The following GCSAML variants were observed in gnomAD, a reference collection of about 807,000 sequenced individuals.
GCSAML encodes the protein germinal center associated signaling and motility like.
In GCSAML, 9 loss-of-function variants were observed where a neutral mutation model predicts 13.0. That is an observed-to-expected ratio of 0.69 (90% CI 0.42 to 1.21). The LOEUF (loss-of-function observed/expected upper bound fraction) is 1.21. Among genes scored for constraint, GCSAML ranks in the 50% most tolerant of loss-of-function variants. GCSAML has a pLI of 0.00. For synonymous variants in GCSAML, 37 were observed against 52.9 expected (o/e 0.70, Z 1.31); for missense variants, 143 against 153.4 (o/e 0.93, Z 0.36).
intron 1 of GCSAML, among the ~76,000 whole-genome samples, chr1:247,514,154 T>A (rs988825438): frequency 6.6e-6 from 1 of 152,158 alleles, no homozygotes; most frequent in African/African-American, 2.4e-5. Context: ...CTAATTTTTG[T>A]GTTTTTCGTA....
chr1:247,543,761 T>C (rs78955005), intron 2 of GCSAML, among the ~76,000 whole-genome samples: 2,539 of 152,258 alleles, frequency 0.017, 69 homozygotes, highest in African/African-American at 0.054. Flanking sequence ...TAGTAACTTA[T>C]CAATTTCTGC....
intron 2 of GCSAML, chr1:247,532,560 C>T (rs1364764488): frequency 6.4e-7 from 1 of 1,562,152 alleles, no homozygotes; most frequent in Non-Finnish European, 8.7e-7. Flanking sequence ...GAGCACAGGG[C>T]ATACAGGGCA....
At chr1:247,552,621 A>G (rs1003240530) in intron 1 of GCSAML, among the ~76,000 whole-genome samples, 2 of 152,208 alleles carry the variant, frequency 1.3e-5, no homozygotes, top group African/African-American at 4.8e-5. Context: ...TGAAGACTTT[A>G]TCCTCCCATA....
At chr1:247,523,038 C>T (rs1271968959) in intron 1 of GCSAML, among the ~76,000 whole-genome samples, 2 of 151,778 alleles carry the variant, frequency 1.3e-5, no homozygotes, top group East Asian at 3.9e-4. Flanking sequence ...TATATGAAAT[C>T]CTCTATTGTA....
At chr1:247,507,522 T>C (rs2103290674) in intron 1 of GCSAML, among the ~76,000 whole-genome samples, 1 of 152,282 alleles carries the variant, frequency 6.6e-6, no homozygotes, top group African/African-American at 2.4e-5. Flanking sequence ...TTATGTAAAA[T>C]TTTATTTGCT....
chr1:247,525,484 A>G (rs987392032), intron 1 of GCSAML: 1 of 152,262 alleles, frequency 6.6e-6, no homozygotes, highest in African/African-American at 2.4e-5. Context: ...AGCCCACAGA[A>G]CTCATGGAGG....
At chr1:247,573,368 A>G (rs1187302125) in intron 4 of GCSAML, among the ~76,000 whole-genome samples, 1 of 152,186 alleles carries the variant, frequency 6.6e-6, no homozygotes, top group Non-Finnish European at 1.5e-5. Flanking sequence ...GACCGTGGGA[A>G]AAGTGTAGTG....
chr1:247,514,725 T>C (rs1164007705), intron 1 of GCSAML, among the ~76,000 whole-genome samples: 1 of 148,114 alleles, frequency 6.8e-6, no homozygotes, highest in Admixed American at 7.1e-5. Context: ...GAACAGGGTG[T>C]CCTTTCCCAC....
chr1:247,530,315 C>G (rs1318289812), intron 2 of GCSAML: 1 of 152,086 alleles, frequency 6.6e-6, no homozygotes, highest in Non-Finnish European at 1.5e-5. Flanking sequence ...GATAGAAGTT[C>G]TTTAACATCT....
intron 1 of GCSAML, among the ~76,000 whole-genome samples, chr1:247,556,085 T>C (rs1667935697): frequency 6.6e-6 from 1 of 152,134 alleles, no homozygotes; most frequent in African/African-American, 2.4e-5. Flanking sequence ...TGCTTCCCTG[T>C]TGTTAAGGTC....
intron 2 of GCSAML, among the ~76,000 whole-genome samples, chr1:247,556,843 C>A (rs546797743): frequency 6.6e-6 from 1 of 152,176 alleles, no homozygotes; most frequent in Non-Finnish European, 1.5e-5. Context: ...CGAGACCATT[C>A]AGTCATTCTT....
At chr1:247,519,389 A>G (rs1373007491) in intron 1 of GCSAML, 1 of 152,152 alleles carries the variant, frequency 6.6e-6, no homozygotes, top group Admixed American at 6.5e-5. Context: ...CATGGCAGAA[A>G]CGCACGTGTG....
intron 1 of GCSAML, chr1:247,525,079 C>T (rs1434847780): frequency 2.0e-5 from 3 of 152,154 alleles, no homozygotes; most frequent in East Asian, 3.8e-4. Context: ...GGCAAAAGTA[C>T]GAATTTGGTG....
intron 1 of GCSAML, among the ~76,000 whole-genome samples, chr1:247,523,883 T>C (rs985725211): frequency 6.6e-6 from 1 of 152,110 alleles, no homozygotes; most frequent in Non-Finnish European, 1.5e-5. Flanking sequence ...TTTGCACATA[T>C]ATGAAATTTT....
chr1:247,515,975 G>A (rs1666197086), intron 1 of GCSAML, among the ~76,000 whole-genome samples: 1 of 152,132 alleles, frequency 6.6e-6, no homozygotes, highest in Non-Finnish European at 1.5e-5. Flanking sequence ...GGTTGAGGGG[G>A]GAGGAGACCC....
chr1:247,516,860 A>T (rs753024976), intron 1 of GCSAML, among the ~76,000 whole-genome samples: 24 of 151,880 alleles, frequency 1.6e-4, no homozygotes, highest in Non-Finnish European at 3.4e-4. Context: ...CTTTTTTTTC[A>T]GTTAATTTCT....
At chr1:247,548,887 T>C (rs937437904), upstream of GCSAML, among the ~76,000 whole-genome samples, 2 of 152,230 alleles carry the variant, frequency 1.3e-5, no homozygotes, top group African/African-American at 4.8e-5. The surrounding 1 kb of genome is among the most constrained non-coding windows in gnomAD (Gnocchi z 5.3). Flanking sequence ...CCTGGAGTGA[T>C]AGATTCACTT....
chr1:247,507,093 A>T (rs1379708909), upstream of GCSAML: 3 of 152,196 alleles, frequency 2.0e-5, no homozygotes, highest in Non-Finnish European at 4.4e-5. Flanking sequence ...AACAATCCCA[A>T]TGCCAACACT....
chr1:247,507,831 C>A (rs1275824567), intron 1 of GCSAML, among the ~76,000 whole-genome samples: 1 of 152,144 alleles, frequency 6.6e-6, no homozygotes, highest in Non-Finnish European at 1.5e-5. Context: ...CATGTCCCTG[C>A]AAAGGACATG....
Sources: gnomAD v4.1 joint callset for allele counts (sites outside exome capture counted in the v4.1 genomes callset) on GRCh38, gnomAD v4.1.1 for gene constraint, Gnocchi (gnomAD v3.1) non-coding constraint, MANE v1.5 for transcripts, NCBI Gene and HGNC (gene_info 2026-07-23, HGNC 2026-07-21) for gene names.